Variants in COL6A6 observed in about 807,000 individuals in gnomAD.
COL6A6 encodes the protein collagen alpha-6(VI) chain.
COL6A6 carries 183 observed loss-of-function variants against 208.6 expected under a neutral mutation model. That is an observed-to-expected ratio of 0.88 (90% confidence interval 0.78 to 0.99). The LOEUF is 0.99. COL6A6 is among the 50% of genes least tolerant of loss of function. The pLI, the probability that COL6A6 is intolerant of heterozygous loss-of-function variation, is 0.00. For missense variants in COL6A6, 2,816 were observed against 2,815.2 expected, an observed-to-expected ratio of 1.00 and a Z score of -0.01; for synonymous variants, 973 against 1,011.8, an observed-to-expected ratio of 0.96 and a Z score of 0.73.
intron 5 of COL6A6, among the ~76,000 whole-genome samples, chr3:130,567,526 T>C (rs183764470): frequency 8.5e-5 from 13 of 152,354 alleles, no homozygotes; most frequent in Admixed American, 7.2e-4. Flanking sequence ...AGGATAGATA[T>C]ATGAGTGTAC....
Position 130,662,073 on chromosome 3 carries a change from TG to T in COL6A6, c.6268del (p.Ala2090LeufsTer7). On this transcript the variant is annotated frameshift_variant, in exon 35 of 37. Coordinates refer to ENST00000358511, the MANE Select transcript of COL6A6 (RefSeq NM_001102608.3). LOFTEE classifies it high-confidence loss of function. ...GAAACAAAGTCATATTTGTGATATC[TG>T]CTGGGGAAACCAGCCACTTAGATGG... ...RRNKVIFVIS[A>X]GETSHLDGEI... The T allele has an allele frequency of 6.2e-7, 1 of 1,614,058 alleles. No homozygotes were observed. Among genetic ancestry groups the T allele is most frequent in the Middle Eastern group, 1.6e-4 (1 of 6,062 alleles).
At chr3:130,556,312 A>G (rs1219411989) in intron 1 of COL6A6, among the ~76,000 whole-genome samples, 2 of 152,008 alleles carry the variant, frequency 1.3e-5, no homozygotes, top group African/African-American at 4.8e-5. Flanking sequence ...CCTTTCTCAT[A>G]TTGTCCTTGT....
At chr3:130,663,450 G>GT (rs2065988878) in intron 35 of COL6A6, among the ~76,000 whole-genome samples, 2 of 152,232 alleles carry the variant, frequency 1.3e-5, no homozygotes, top group African/African-American at 4.8e-5. Flanking sequence ...TGAAATTTAT[G>GT]TGGATGTATT....
chr3:130,539,628 G>A (rs1211616468), intron 1 of COL6A6, among the ~76,000 whole-genome samples: 2 of 77,344 alleles, frequency 2.6e-5, no homozygotes, highest in Non-Finnish European at 3.6e-5. Context: ...GCGAGACTCC[G>A]TCTCAAAAAA....
At chr3:130,576,328 C>T (rs1241008815) in intron 8 of COL6A6, among the ~76,000 whole-genome samples, 2 of 152,130 alleles carry the variant, frequency 1.3e-5, no homozygotes, top group Non-Finnish European at 2.9e-5. Context: ...AGCACATCAA[C>T]AGCTCTCTCC....
intron 20 of COL6A6, among the ~76,000 whole-genome samples, chr3:130,602,193 T>C (rs59356316): frequency 0.019 from 2,928 of 152,270 alleles, 66 homozygotes; most frequent in East Asian, 0.079. Flanking sequence ...ATGAGTGCCA[T>C]GAATCTCTAA....
At chr3:130,661,017 T>C (rs1344189354) in intron 34 of COL6A6, among the ~76,000 whole-genome samples, 3 of 152,182 alleles carry the variant, frequency 2.0e-5, no homozygotes, top group Non-Finnish European at 4.4e-5. Flanking sequence ...AAATGAGATA[T>C]GCATATTTAT....
At chr3:130,562,990 C>A in intron 2 of COL6A6, 78 bp from the exon 3 acceptor site, 1 of 1,032,118 alleles carries the variant, frequency 9.7e-7, no homozygotes, top group Non-Finnish European at 1.4e-6. Context: ...AAGTACTTCC[C>A]CGCCATAGAG....
rs186501709 is a variant in COL6A6, at chr3:130,670,243, G to A, written c.6597-4959G>A. Among the ~76,000 whole-genome samples, 37 of 152,362 alleles carry A rather than the reference G, an allele frequency of 2.4e-4. 1 individual carries two copies. The highest frequency in any genetic ancestry group is 1.9e-3 in the Admixed American group (29 of 15,302). The stretch of plus-strand genomic sequence containing the variant: ...GGAAAAGGGACATAGACAAGATGCC[G>A]TGCATGTGACTCTTGCCGAGGACAG... On this transcript the variant is annotated intron_variant, in intron 36 of 36. Transcript: ENST00000358511.
chr3:130,641,502 G>A (rs902986781), intron 28 of COL6A6, 150 bp from the exon 29 acceptor site: 18 of 440,938 alleles, frequency 4.1e-5, no homozygotes, highest in Non-Finnish European at 7.4e-5. Context: ...CCTTCTTTAT[G>A]TTTTTTGGAA....
At position 130,571,123 on chromosome 3, in the gene COL6A6, C is replaced by T. The variant is rs768161608; in HGVS notation, c.2707C>T (p.Arg903Trp). The T allele has an allele frequency of 1.9e-5, 31 of 1,613,750 alleles. No individual in the cohort carries two copies. The highest frequency in any genetic ancestry group is 1.2e-4 in the Admixed American group (7 of 60,008). ...CTCAGACCACATGTTCACTGAAGCCCGGGGCAGCCGCCTGAACAAGGGGGT... is the reference window on the plus strand; with the variant it reads ...CTCAGACCACATGTTCACTGAAGCCTGGGGCAGCCGCCTGAACAAGGGGGT... ...GFSDHMFTEA[R>W]GSRLNKGVPQ... The change falls in exon 7 of 37, where the codon CGG becomes TGG. Residue 903 changes from arginine (R) to tryptophan (W), a missense_variant. Transcript: ENST00000358511.
In COL6A6 at chr3:130,539,902, A is replaced by C. The variant is rs558899160; in HGVS notation, c.-31-20432A>C. Reference sequence around the variant, plus strand: ...CCTTCAACAGTATTTAATTCTAAAAATTTTGAGTTTTTTAAAAATATACAT... The same window carrying C: ...CCTTCAACAGTATTTAATTCTAAAACTTTTGAGTTTTTTAAAAATATACAT... On this transcript the variant is annotated intron_variant, in intron 1 of 36. Coordinates refer to ENST00000358511, the MANE Select transcript of COL6A6 (RefSeq NM_001102608.3). Among the ~76,000 whole-genome samples the C allele has an allele frequency of 2.6e-5, 4 of 152,316 alleles. No homozygotes were observed. In the South Asian group the frequency reaches 8.3e-4, roughly 32 times the overall value.
chr3:130,563,488 T>A lies in COL6A6; in HGVS notation c.485T>A (p.Ile162Asn). The A allele has an allele frequency of 6.2e-7, 1 of 1,614,002 alleles. No individual in the cohort carries two copies. The highest frequency in any genetic ancestry group is 8.5e-7 in the Non-Finnish European group (1 of 1,179,890). The change falls in exon 3 of 37, where the codon ATC becomes AAC. Residue 162 changes from isoleucine (I) to asparagine (N), a missense_variant. Coordinates refer to ENST00000358511, the MANE Select transcript of COL6A6 (RefSeq NM_001102608.3). ...KALRKDGVKI[I>N]SVGVQKASEE... ...CTGCGGAAAGACGGAGTGAAAATCATCTCTGTAGGGGTGCAGAAAGCTTCT... is the reference window on the plus strand; with the variant it reads ...CTGCGGAAAGACGGAGTGAAAATCAACTCTGTAGGGGTGCAGAAAGCTTCT...
At chr3:130,539,405 G>A (rs774491444) in intron 1 of COL6A6, among the ~76,000 whole-genome samples, 1 of 152,208 alleles carries the variant, frequency 6.6e-6, no homozygotes, top group East Asian at 1.9e-4. Context: ...GGAGGCCGAG[G>A]CCGGTGGATC....
chr3:130,655,514 T>G (rs750499472), intron 33 of COL6A6, among the ~76,000 whole-genome samples: 9 of 152,088 alleles, frequency 5.9e-5, no homozygotes, highest in South Asian at 4.1e-4. Flanking sequence ...AAAACACAAG[T>G]TCATGGAGCT....
chr3:130,576,234 C>T (rs1232596460), intron 8 of COL6A6, among the ~76,000 whole-genome samples: 1 of 152,118 alleles, frequency 6.6e-6, no homozygotes, highest in Non-Finnish European at 1.5e-5. Flanking sequence ...TCCAGATTAT[C>T]TCTGAAAGCC....
intron 1 of COL6A6, among the ~76,000 whole-genome samples, chr3:130,547,297 G>A (rs2062533667): frequency 6.6e-6 from 1 of 152,254 alleles, no homozygotes; most frequent in Admixed American, 6.5e-5. Context: ...GCAGCTGCTG[G>A]CCCAGGTGCT....
chr3:130,527,916 GGTTGTTGTT>G (rs140060412), intron 1 of COL6A6, among the ~76,000 whole-genome samples: 2 of 40,716 alleles, frequency 4.9e-5, no homozygotes, highest in Non-Finnish European at 1.0e-4. Flanking sequence ...TTTTTTTTTT[GGTTGTTGTT>G]GTTGTTGTTG....
At chr3:130,648,758 C>T (rs2065533582) in intron 32 of COL6A6, among the ~76,000 whole-genome samples, 1 of 152,128 alleles carries the variant, frequency 6.6e-6, no homozygotes, top group South Asian at 2.1e-4. Flanking sequence ...CGAGTCTCTG[C>T]AGGTGAAGGG....
Sources: allele counts gnomAD v4.1 joint callset (sites outside exome capture counted in the v4.1 genomes callset), GRCh38; gene constraint gnomAD v4.1.1; transcripts MANE v1.5; gene names NCBI Gene and HGNC (gene_info 2026-07-23, HGNC 2026-07-21).